Variants in BBOX1 observed in about 807,000 individuals in gnomAD.
The protein encoded by BBOX1 is gamma-butyrobetaine dioxygenase.
In BBOX1, 35 loss-of-function variants were observed where a neutral mutation model predicts 41.6. The ratio of observed to expected loss-of-function variants is 0.84; its 90% CI spans 0.64 to 1.11. BBOX1 has a LOEUF of 1.11. Among genes scored for constraint, BBOX1 ranks in the 50% most tolerant of loss-of-function variants. The pLI is 0.00. For synonymous variants in BBOX1, 163 were observed against 154.7 expected (o/e 1.05, Z -0.40); for missense variants, 458 against 460.6 (o/e 0.99, Z 0.05).
chr11:27,078,611 A>G (rs986334254), intron 4 of BBOX1, among the ~76,000 whole-genome samples: 1 of 152,222 alleles, frequency 6.6e-6, no homozygotes, highest in African/African-American at 2.4e-5. Flanking sequence ...GTTCTCAATC[A>G]TAAGTGGGAG....
intron 5 of BBOX1, among the ~76,000 whole-genome samples, chr11:27,111,163 C>T (rs543490435): frequency 3.4e-4 from 51 of 151,454 alleles, no homozygotes; most frequent in Middle Eastern, 3.5e-3. Context: ...GAATACTACA[C>T]AACCATATAA....
At chr11:27,048,840 G>A (rs1446340591) in intron 2 of BBOX1, among the ~76,000 whole-genome samples, 1 of 146,952 alleles carries the variant, frequency 6.8e-6, no homozygotes, top group Non-Finnish European at 1.5e-5. Flanking sequence ...CTGGTGCGCT[G>A]CACCCACTAA....
chr11:27,077,489 T>G (rs893312716), intron 4 of BBOX1, among the ~76,000 whole-genome samples: 1 of 152,086 alleles, frequency 6.6e-6, no homozygotes, highest in African/African-American at 2.4e-5. Flanking sequence ...GCCTGTGGTT[T>G]CTTTCAGTTT....
At chr11:27,056,796 G>A (rs1026226132) in intron 3 of BBOX1, among the ~76,000 whole-genome samples, 1 of 151,798 alleles carries the variant, frequency 6.6e-6, no homozygotes, top group Non-Finnish European at 1.5e-5. Flanking sequence ...GGCCAGGCAT[G>A]GTGGCTCACG....
rs867103973 is a variant in BBOX1, at chr11:27,125,375, C to T, written c.837-279C>T. ...CAAAGAATGAATGACTTTAACTAAG[C>T]ATAACAAAATTTTTAACTTGAATCT... On this transcript the variant is annotated intron_variant, in intron 7 of 8. Coordinates refer to ENST00000263182, the MANE Select transcript of BBOX1 (RefSeq NM_003986.3). Among the ~76,000 whole-genome samples, 7 of 151,712 alleles carry T rather than the reference C, an allele frequency of 4.6e-5. No homozygotes were observed. The South Asian group carries it at 8.3e-4, about 18-fold the overall frequency.
intron 4 of BBOX1, among the ~76,000 whole-genome samples, chr11:27,080,470 A>C (rs951208587): frequency 6.6e-6 from 1 of 152,100 alleles, no homozygotes; most frequent in Non-Finnish European, 1.5e-5. Flanking sequence ...TTCATTCATC[A>C]TACTCAATGA....
chr11:27,111,640 C>T (rs1199597816), intron 5 of BBOX1, among the ~76,000 whole-genome samples: 1 of 151,842 alleles, frequency 6.6e-6, no homozygotes, highest in Non-Finnish European at 1.5e-5. Flanking sequence ...AGTACATTCA[C>T]AATTTTGTGC....
At chr11:27,071,442 T>C (rs1857445770) in intron 4 of BBOX1, among the ~76,000 whole-genome samples, 1 of 151,274 alleles carries the variant, frequency 6.6e-6, no homozygotes, top group Non-Finnish European at 1.5e-5. Context: ...TAAGGTGATA[T>C]TGTTTGGCTC....
chr11:27,058,607 T>C (rs373978293), intron 4 of BBOX1, among the ~76,000 whole-genome samples: 3 of 152,170 alleles, frequency 2.0e-5, no homozygotes, highest in African/African-American at 7.2e-5. Flanking sequence ...AGTTATCAGA[T>C]GGAAATGAGG....
chr11:27,098,716 A>T (rs1858536720), intron 5 of BBOX1, among the ~76,000 whole-genome samples: 1 of 152,026 alleles, frequency 6.6e-6, no homozygotes, highest in Non-Finnish European at 1.5e-5. Flanking sequence ...GAGTCCAGGG[A>T]ATTATTATTT....
At chr11:27,044,727 A>C (rs1851441464) in intron 2 of BBOX1, among the ~76,000 whole-genome samples, 1 of 152,144 alleles carries the variant, frequency 6.6e-6, no homozygotes, top group Admixed American at 6.5e-5. Flanking sequence ...CAGGTTTGTC[A>C]AAGATCAGAT....
intron 5 of BBOX1, among the ~76,000 whole-genome samples, chr11:27,094,334 G>C (rs1197102565): frequency 6.6e-6 from 1 of 151,904 alleles, no homozygotes; most frequent in African/African-American, 2.4e-5. Context: ...TCATAGAGTA[G>C]AGAGCATTGA....
chr11:27,047,167 T>C (rs912903095), intron 2 of BBOX1: 2 of 152,188 alleles, frequency 1.3e-5, no homozygotes, highest in Non-Finnish European at 2.9e-5. Context: ...CCATGTGCCT[T>C]GGGCACCCTC....
At chr11:27,113,642 T>C (rs77959253) in intron 5 of BBOX1, among the ~76,000 whole-genome samples, 2,028 of 151,746 alleles carry the variant, frequency 0.013, 28 homozygotes, top group Non-Finnish European at 0.02. Flanking sequence ...ACTAGACACC[T>C]GGGCCTTTGT....
intron 7 of BBOX1, among the ~76,000 whole-genome samples, chr11:27,120,143 G>C (rs1174929942): frequency 6.6e-6 from 1 of 151,978 alleles, no homozygotes; most frequent in African/African-American, 2.4e-5. Flanking sequence ...GAAGGCTTTT[G>C]GCCAGAAGTG....
chr11:27,086,335 A>T (rs1218623925), intron 4 of BBOX1, among the ~76,000 whole-genome samples: 1 of 152,106 alleles, frequency 6.6e-6, no homozygotes, highest in East Asian at 1.9e-4. Flanking sequence ...CAATACAGCT[A>T]TTGACTTTAA....
chr11:27,072,959 C>A (rs985170998), intron 4 of BBOX1, among the ~76,000 whole-genome samples: 1 of 152,150 alleles, frequency 6.6e-6, no homozygotes, highest in Non-Finnish European at 1.5e-5. Context: ...ACCATATAAA[C>A]CCTAGAAGAA....
intron 2 of BBOX1, among the ~76,000 whole-genome samples, chr11:27,051,963 C>T (rs1421961952): frequency 2.0e-5 from 3 of 151,904 alleles, no homozygotes; most frequent in Non-Finnish European, 4.4e-5. Context: ...TTTACTGCAT[C>T]TCAAAAGTTT....
Position 27,093,210 on chromosome 11 carries a change from A to AT in BBOX1, c.381dup (p.Glu128Ter), listed in dbSNP as rs747276592. On this transcript the variant is annotated frameshift_variant, in exon 5 of 9. Coordinates refer to ENST00000263182, the MANE Select transcript of BBOX1 (RefSeq NM_003986.3). LOFTEE classifies it high-confidence loss of function. ...TCAGAGCTCCAGCTACCCACTTTGG[A>AT]TTTTGAAGATGTTTTAAGATATGAT... The AT allele has an allele frequency of 6.2e-7, 1 of 1,612,352 alleles. No homozygotes were observed. The highest frequency in any genetic ancestry group is 8.5e-7 in the Non-Finnish European group (1 of 1,178,942).
Sources: gnomAD v4.1 joint callset for allele counts (sites outside exome capture counted in the v4.1 genomes callset) on GRCh38, gnomAD v4.1.1 for gene constraint, MANE v1.5 for transcripts, NCBI Gene and HGNC (gene_info 2026-07-23, HGNC 2026-07-21) for gene names.